The following METTL25 variants were observed in gnomAD, a reference collection of about 807,000 sequenced individuals.
METTL25 encodes methyltransferase like 25, also known as probable methyltransferase-like protein 25.
In METTL25, 64 loss-of-function variants were observed where a neutral mutation model predicts 71.6. The observed-to-expected ratio is 0.89, with a 90% confidence interval of 0.73 to 1.10. METTL25 has a LOEUF of 1.10. Ranked by LOEUF, METTL25 falls within the 50% of genes least tolerant of loss-of-function variation. METTL25 has a pLI of 0.00. For missense variants in METTL25, 807 were observed against 707.0 expected (o/e 1.14, Z -1.60); for synonymous variants, 287 against 250.3 (o/e 1.15, Z -1.38).
chr12:82,398,548 G>T (rs1315267514), intron 3 of METTL25, among the ~76,000 whole-genome samples: 1 of 151,998 alleles, frequency 6.6e-6, no homozygotes, highest in African/African-American at 2.4e-5. Context: ...GTACAAAAAA[G>T]ACAGTTTTCC....
chr12:82,382,430 C>T (rs1884527100), intron 1 of METTL25, among the ~76,000 whole-genome samples: 1 of 152,146 alleles, frequency 6.6e-6, no homozygotes, highest in African/African-American at 2.4e-5. Context: ...TATAAACATT[C>T]CCTGGGCTAT....
intron 1 of METTL25, among the ~76,000 whole-genome samples, chr12:82,385,545 C>T (rs972183157): frequency 3.9e-5 from 6 of 152,020 alleles, no homozygotes; most frequent in Admixed American, 6.6e-5. Context: ...TGGACTTTCC[C>T]GTCTATTGAG....
intron 11 of METTL25, among the ~76,000 whole-genome samples, chr12:82,477,884 A>G (rs1458854996): frequency 6.6e-6 from 1 of 151,794 alleles, no homozygotes; most frequent in Non-Finnish European, 1.5e-5. Flanking sequence ...ATTATGAGCT[A>G]TGCTCAAAAT....
chr12:82,461,370 G>A (rs370979372), intron 9 of METTL25, among the ~76,000 whole-genome samples: 1 of 152,228 alleles, frequency 6.6e-6, no homozygotes, highest in African/African-American at 2.4e-5. Context: ...TACTAAGGAT[G>A]GCCTTATGAA....
At chr12:82,456,543 C>G (rs1891500484) in intron 8 of METTL25, among the ~76,000 whole-genome samples, 184 bp from the exon 9 acceptor site, 1 of 151,970 alleles carries the variant, frequency 6.6e-6, no homozygotes, top group South Asian at 2.1e-4. Context: ...TTGTCAGAAG[C>G]AGATCCTGAA....
At chr12:82,394,392 G>A (rs934432725) in intron 3 of METTL25, among the ~76,000 whole-genome samples, 3 of 151,998 alleles carry the variant, frequency 2.0e-5, no homozygotes, top group Non-Finnish European at 4.4e-5. Context: ...CCTTATTGGT[G>A]ACCATAGAGA....
intron 2 of METTL25, among the ~76,000 whole-genome samples, chr12:82,389,115 C>CT (rs1236175408): frequency 1.3e-5 from 2 of 152,018 alleles, no homozygotes; most frequent in African/African-American, 4.8e-5. Context: ...TTGTCATATG[C>CT]TTTTTGGCCA....
chr12:82,399,299 A>T lies in METTL25; in HGVS notation c.1036A>T (p.Met346Leu), dbSNP rs1886375131. 6.2e-7 allele frequency: 1 copy of T among 1,613,384 alleles called. No homozygotes were observed. The highest frequency in any genetic ancestry group is 1.7e-5 in the Admixed American group (1 of 59,946). ...TSEANKERRK[M>L]TSKSSESNIY... is the part of the protein sequence containing the mutation. ...TGAAGCCAATAAAGAGAGAAGAAAA[A>T]TGACATCAAAGTCAAGTGAATCAAA... The change falls in exon 4 of 12, where the codon ATG (methionine) becomes TTG (leucine). Residue 346 changes from methionine to leucine, a missense_variant. By Grantham distance (15) the Met-to-Leu change is conservative (BLOSUM62 2). Transcript: ENST00000248306.
At position 82,440,771 on chromosome 12, in the gene METTL25, A is replaced by G. The variant is rs1272401692; in HGVS notation, c.1478+1980A>G. Among the ~76,000 whole-genome samples the G allele has an allele frequency of 2.0e-5, 3 of 152,024 alleles. No homozygotes were observed. The East Asian group carries it at 5.8e-4, about 29-fold the overall frequency. ...ACCTCACTTCTGAGGAAACAAAACC[A>G]TGCCAGAGATGTGTGTGCACATGCG... On this transcript the variant is annotated intron_variant, in intron 8 of 11. Transcript: ENST00000248306.
chr12:82,378,647 C>A (rs966650141), intron 1 of METTL25, among the ~76,000 whole-genome samples: 1 of 152,084 alleles, frequency 6.6e-6, no homozygotes, highest in Non-Finnish European at 1.5e-5. Context: ...AATTCTACTC[C>A]CTCAAAATCC....
chr12:82,427,093 T>G (rs1356506679), intron 5 of METTL25, among the ~76,000 whole-genome samples: 1 of 151,996 alleles, frequency 6.6e-6, no homozygotes, highest in Admixed American at 6.6e-5. Context: ...CAGTCAGTCA[T>G]TATCAAAATT....
rs10506873 is a variant in METTL25 at position 82,399,163 on chromosome 12, A to G, written c.900A>G (p.Pro300=). 130,090 of 1,613,284 alleles carry G rather than the reference A, an allele frequency of 0.081. 5,844 individuals are homozygous for G. The highest frequency in any genetic ancestry group is 0.093 in the Middle Eastern group (566 of 6,054). The change falls in exon 4 of 12, where the codon CCA becomes CCG. Residue 300 remains proline, a synonymous_variant. Coordinates refer to ENST00000248306, the MANE Select transcript of METTL25 (RefSeq NM_032230.3). ...RNQMETLHSQ[P]HQEENLCFEN... ...AAATGGAAACCCTTCATTCTCAGCCACATCAAGAAGAAAATTTGTGTTTTG... is the reference window on the plus strand; with the variant it reads ...AAATGGAAACCCTTCATTCTCAGCCGCATCAAGAAGAAAATTTGTGTTTTG...
intron 8 of METTL25, among the ~76,000 whole-genome samples, chr12:82,453,191 TTG>T (rs1046460650): frequency 6.6e-6 from 1 of 152,178 alleles, no homozygotes; most frequent in Non-Finnish European, 1.5e-5. Context: ...AATTTTTTAA[TTG>T]TTAGAATTAT....
At chr12:82,435,816 ATAAT>A (rs1889876799) in intron 7 of METTL25, among the ~76,000 whole-genome samples, 1 of 151,522 alleles carries the variant, frequency 6.6e-6, no homozygotes. Flanking sequence ...GCTGTTATAG[ATAAT>A]TAATAATTAT....
chr12:82,374,359 C>G (rs377472166), intron 1 of METTL25: 2 of 152,278 alleles, frequency 1.3e-5, no homozygotes, highest in African/African-American at 4.8e-5. Flanking sequence ...TTATTTGGCT[C>G]TGCTGATTGG....
chr12:82,442,978 G>A (rs1890461852), intron 8 of METTL25, among the ~76,000 whole-genome samples: 2 of 149,456 alleles, frequency 1.3e-5, no homozygotes, highest in Admixed American at 1.3e-4. Context: ...TGAAAGATCA[G>A]AAGAAAATAT....
chr12:82,401,717 ATTAG>A (rs1464212269), intron 4 of METTL25, among the ~76,000 whole-genome samples: 1 of 152,092 alleles, frequency 6.6e-6, no homozygotes, highest in Non-Finnish European at 1.5e-5. Context: ...ACCAACTAAA[ATTAG>A]TTGATGAGTA....
In METTL25 at chr12:82,387,072, C is replaced by A. The variant is rs188512767; in HGVS notation, c.424+105C>A. 1.3e-4 allele frequency: 118 copies of A among 916,614 alleles called. 1 individual carries two copies. In the African/African-American group the frequency reaches 1.8e-3, roughly 14 times the overall value. The allele number at this position is 916,614 out of a possible 1,614,324, so 56.8% of individuals were successfully genotyped here. A position where few individuals can be genotyped will look rare whatever the true frequency, so the allele number is the denominator to read the frequency against. ...AAAATATTATTAATTTATTGTTAGA[C>A]CTTAATATATAAGCCCTGACAAATT... is the stretch of plus-strand genomic sequence containing the variant. On this transcript the variant is annotated intron_variant, in intron 2 of 11. Coordinates refer to ENST00000248306, the MANE Select transcript of METTL25 (RefSeq NM_032230.3).
chr12:82,459,783 T>C (rs1477277709), intron 9 of METTL25: 4 of 152,228 alleles, frequency 2.6e-5, no homozygotes, highest in Non-Finnish European at 5.9e-5. Context: ...GAAGCCCATA[T>C]GTTTCAAGCT....
Sources: gnomAD v4.1 joint callset for allele counts (sites outside exome capture counted in the v4.1 genomes callset) on GRCh38, gnomAD v4.1.1 for gene constraint, MANE v1.5 for transcripts, NCBI Gene and HGNC (gene_info 2026-07-23, HGNC 2026-07-21) for gene names.